NTF4: variants seen among roughly 807,000 people sequenced by gnomAD.
The protein encoded by NTF4 is neurotrophin 4, also known as neurotrophin-4.
In NTF4, 2 loss-of-function variants were observed where a neutral mutation model predicts 4.4. The observed-to-expected ratio is 0.46, with a 90% CI of 0.19 to 1.44. NTF4 has a LOEUF of 1.44. NTF4 is among the 40% of genes most tolerant of loss of function. The pLI is 0.26. For synonymous variants in NTF4, 127 were observed against 122.0 expected (o/e 1.04, Z -0.27); for missense variants, 260 against 293.0 (o/e 0.89, Z 0.82).
downstream of NTF4, chr19:49,058,777 C>T (rs1600244534): frequency 6.0e-6 from 1 of 166,432 alleles, no homozygotes; most frequent in Non-Finnish European, 1.3e-5. Flanking sequence ...TGGTTCCACC[C>T]CCTCCCTGTA....
Position 49,061,892 on chromosome 19 carries a change from C to A in NTF4, c.106G>T (p.Ala36Ser), listed in dbSNP as rs2040152995. ...GGGGAGAGAAGGTCCCACTCAGGGGCCAGAAAAGGGGGCAATGTTGAGGGT... is the reference window on the plus strand; with the variant it reads ...GGGGAGAGAAGGTCCCACTCAGGGGACAGAAAAGGGGGCAATGTTGAGGGT... Residue 36 changes from alanine to serine, a missense_variant, in exon 1 of 1, where the codon GCC becomes TCC. Physicochemically the swap from Ala to Ser is moderately conservative, Grantham distance 99. Transcript: ENST00000593537. The surrounding 1 kb of genome is among the most constrained non-coding windows in gnomAD (Gnocchi z 4.9). 1 of 1,533,896 alleles carries A rather than the reference C, an allele frequency of 6.5e-7. No homozygotes were observed.
At chr19:49,062,381 A>T (rs1243336368), upstream of NTF4, among the ~76,000 whole-genome samples, 2 of 152,132 alleles carry the variant, frequency 1.3e-5, no homozygotes, top group Non-Finnish European at 2.9e-5. Flanking sequence ...CCAGCTACTC[A>T]GTAGGCTGAG....
chr19:49,064,230 C>CACAGG (rs1377626095), upstream of NTF4: 1 of 152,648 alleles, frequency 6.6e-6, no homozygotes, highest in Non-Finnish European at 1.5e-5. Flanking sequence ...GTTCCCTCCT[C>CACAGG]ACAGGACAGG....
chr19:49,061,159 A>G lies in NTF4; in HGVS notation c.*206T>C. ...CTATTATTATTATATCATCATCATT[A>G]TTACCCTCAAGTTGCTCCAGGAGAA... On this transcript the variant is annotated 3_prime_UTR_variant, in exon 1 of 1. Transcript: ENST00000593537. This position sits in a 1 kb window ranked among gnomAD's most constrained non-coding sequence, Gnocchi z 4.9. 1 of 829,522 alleles carries G rather than the reference A, an allele frequency of 1.2e-6. No homozygotes were observed. The highest frequency in any genetic ancestry group is 1.8e-6 in the Non-Finnish European group (1 of 542,480). The allele number at this position is 829,522 out of a possible 1,614,324, so 51.4% of individuals were successfully genotyped here. A position where few individuals can be genotyped will look rare whatever the true frequency, so the allele number is the denominator to read the frequency against.
In NTF4 at chr19:49,061,514, C is replaced by A. The variant is rs746640305; in HGVS notation, c.484G>T (p.Asp162Tyr). ...CACTCAGATACCCAGTGCCTCCTGT[C>A]CACTCCCCGGCAGCCCCCTCCACCT... Residue 162 changes from aspartate (D) to tyrosine (Y), a missense_variant, in exon 1 of 1, where the codon GAC (aspartate) becomes TAC (tyrosine). Asp to Tyr is a radical substitution (Grantham distance 160). Coordinates refer to ENST00000593537, the Ensembl canonical transcript of NTF4. This position sits in a 1 kb window ranked among gnomAD's most constrained non-coding sequence, Gnocchi z 4.9. 76 of 1,614,068 alleles carry A rather than the reference C, an allele frequency of 4.7e-5. No individual in the cohort carries two copies. Among genetic ancestry groups the A allele is most frequent in the Non-Finnish European group, 4.2e-6 (5 of 1,180,040 alleles).
In NTF4 at chr19:49,061,821, G is replaced by A; in HGVS notation, c.177C>T (p.Leu59=). The change falls in exon 1 of 1, where the codon CTC becomes CTT. Residue 59 remains leucine (L), a synonymous_variant. Coordinates refer to ENST00000593537, the Ensembl canonical transcript of NTF4. The surrounding 1 kb of genome is among the most constrained non-coding windows in gnomAD (Gnocchi z 4.9). ...GAAAGGCCCCAGCCTCCAGCAGGAA[G>A]AGCAGAGGGGGCCCAGCAGGGGCAC... 1 of 1,551,868 alleles carries A rather than the reference G, an allele frequency of 6.4e-7. No individual in the cohort carries two copies. The highest frequency in any genetic ancestry group is 8.7e-7 in the Non-Finnish European group (1 of 1,147,862).
downstream of NTF4, chr19:49,060,697 G>C (rs1380218415): frequency 6.5e-6 from 1 of 152,764 alleles, no homozygotes; most frequent in African/African-American, 2.4e-5. Flanking sequence ...TTGGGACAGG[G>C]AAGAGGGCTA....
At chr19:49,058,406 C>G, downstream of NTF4, 1 of 811,216 alleles carries the variant, frequency 1.2e-6, no homozygotes, top group Non-Finnish European at 1.9e-6. Flanking sequence ...CACCCCCCAC[C>G]CCAAACTCTG....
At position 49,061,786 on chromosome 19, in the gene NTF4, G is replaced by A. The variant is rs1228667796; in HGVS notation, c.212C>T (p.Ala71Val). The change falls in exon 1 of 1, where the codon GCA becomes GTA. Residue 71 changes from alanine (A) to valine (V), a missense_variant. Physicochemically the swap from Ala to Val is moderately conservative, Grantham distance 64. Coordinates refer to ENST00000593537, the Ensembl canonical transcript of NTF4. The surrounding 1 kb of genome is among the most constrained non-coding windows in gnomAD (Gnocchi z 4.9). Reference sequence around the variant, plus strand: ...CCGGCTGCGGTTGGCCGGGGCACCTGCTGACTCCCGAAAGGCCCCAGCCTC... The same window carrying A: ...CCGGCTGCGGTTGGCCGGGGCACCTACTGACTCCCGAAAGGCCCCAGCCTC... 1.9e-6 allele frequency: 3 copies of A among 1,559,472 alleles called. No individual in the cohort carries two copies. Among genetic ancestry groups the A allele is most frequent in the Non-Finnish European group, 2.6e-6 (3 of 1,152,756 alleles).
downstream of NTF4, among the ~76,000 whole-genome samples, chr19:49,059,378 G>A (rs1181164621): frequency 1.3e-5 from 2 of 152,122 alleles, no homozygotes; most frequent in African/African-American, 4.8e-5. Flanking sequence ...CGAAAAAGAT[G>A]GGCTTTGATG....
chr19:49,063,357 G>A (rs1156443161), upstream of NTF4, among the ~76,000 whole-genome samples: 4 of 139,360 alleles, frequency 2.9e-5, no homozygotes, highest in African/African-American at 8.2e-5. Flanking sequence ...TCCCTCTGTC[G>A]CCCAGGCTGG....
chr19:49,060,063 A>AAAAAAAAAAAAAAAC, downstream of NTF4, among the ~76,000 whole-genome samples: 3 of 146,284 alleles, frequency 2.1e-5, no homozygotes, highest in African/African-American at 2.5e-5. Context: ...AAAAAAAAAA[A>AAAAAAAAAAAAAAAC]AAAAAAGCTT....
At chr19:49,063,273 C>T (rs1374269161), upstream of NTF4, among the ~76,000 whole-genome samples, 1 of 151,314 alleles carries the variant, frequency 6.6e-6, no homozygotes, top group African/African-American at 2.4e-5. Flanking sequence ...TCCCAAAGTG[C>T]TGGGATTACA....
chr19:49,059,814 G>A (rs184741580), downstream of NTF4, among the ~76,000 whole-genome samples: 56 of 152,114 alleles, frequency 3.7e-4, 1 homozygote, highest in Admixed American at 9.2e-4. Flanking sequence ...TTGGGAGGCC[G>A]AGGCATGCGG....
chr19:49,063,295 C>T (rs1198023246), upstream of NTF4, among the ~76,000 whole-genome samples: 1 of 151,662 alleles, frequency 6.6e-6, no homozygotes, highest in Admixed American at 6.6e-5. Context: ...GCATAAGCCA[C>T]CATGCCTGGT....
At chr19:49,060,758 T>A (rs1263085597), downstream of NTF4, 1 of 156,140 alleles carries the variant, frequency 6.4e-6, no homozygotes, top group Non-Finnish European at 1.4e-5. Flanking sequence ...AGCATCCTGA[T>A]CACTTCTCAT....
downstream of NTF4, chr19:49,058,886 G>A (rs747596336): frequency 6.5e-6 from 1 of 153,352 alleles, no homozygotes; most frequent in African/African-American, 2.4e-5. Context: ...GATGGATGGA[G>A]TGATTAAGAG....
chr19:49,061,133 G>C lies in NTF4; in HGVS notation c.*232C>G, dbSNP rs1029847968. 4.1e-5 allele frequency: 28 copies of C among 677,100 alleles called. No homozygotes were observed. Among genetic ancestry groups the C allele is most frequent in the Non-Finnish European group, 5.9e-5 (24 of 409,674 alleles). 41.9% of individuals were successfully genotyped at this position (677,100 alleles called of 1,614,324 possible). On this transcript the variant is annotated 3_prime_UTR_variant, in exon 1 of 1. Transcript: ENST00000593537. This position sits in a 1 kb window ranked among gnomAD's most constrained non-coding sequence, Gnocchi z 4.9. ...AACAGTAAACACTCAGTAAATAGTG[G>C]CTATTATTATTATATCATCATCATT... is the stretch of plus-strand genomic sequence containing the variant.
chr19:49,059,678 G>A (rs540446213), downstream of NTF4, among the ~76,000 whole-genome samples: 15 of 152,220 alleles, frequency 9.9e-5, no homozygotes, highest in South Asian at 4.2e-4. Context: ...TTGGTGGGGC[G>A]ATGGGTAACA....
Sources: gnomAD v4.1 joint callset for allele counts (sites outside exome capture counted in the v4.1 genomes callset) on GRCh38, gnomAD v4.1.1 for gene constraint, Gnocchi (gnomAD v3.1) non-coding constraint, MANE v1.5 for transcripts, NCBI Gene and HGNC (gene_info 2026-07-23, HGNC 2026-07-21) for gene names.